The following DAB2IP variants were observed in gnomAD, a reference collection of about 807,000 sequenced individuals.
DAB2IP encodes disabled homolog 2-interacting protein.
A neutral mutation model predicts 107.2 loss-of-function variants in DAB2IP; 28 were observed. The observed-to-expected ratio is 0.26, with a 90% CI of 0.19 to 0.36. The LOEUF is 0.36. Ranked by LOEUF, DAB2IP falls within the 10% of genes least tolerant of loss-of-function variation. The pLI, the probability that DAB2IP is intolerant of heterozygous loss-of-function variation, is 1.00. For synonymous variants in DAB2IP, 755 were observed against 706.4 expected, an observed-to-expected ratio of 1.07 and a Z score of -1.09; for missense variants, 1,400 against 1,644.7, an observed-to-expected ratio of 0.85 and a Z score of 2.57.
chr9:121,602,548 C>A (rs1830718747), intron 1 of DAB2IP, among the ~76,000 whole-genome samples: 2 of 149,682 alleles, frequency 1.3e-5, no homozygotes, highest in South Asian at 4.3e-4. Context: ...CACATGCCAC[C>A]ATGCTCAGCC....
chr9:121,689,536 T>C (rs1358005505), intron 2 of DAB2IP, among the ~76,000 whole-genome samples: 2 of 134,024 alleles, frequency 1.5e-5, no homozygotes, highest in African/African-American at 5.6e-5. Context: ...TGTTTACTGG[T>C]CCTCAGTCCT....
chr9:121,598,407 C>T (rs1389846130), intron 1 of DAB2IP: 1 of 152,432 alleles, frequency 6.6e-6, no homozygotes, highest in South Asian at 2.1e-4. Flanking sequence ...CACCCCTCAC[C>T]CCGGGCCTGG....
Position 121,760,196 on chromosome 9 carries a change from G to A in DAB2IP, c.927G>A (p.Lys309=), listed in dbSNP as rs142280608. ...TGGCCGGGCGGCAGTTCGTGGAGAA[G>A]TGGTACCCGGTGGTGACGCCCAACC... The change falls in exon 6 of 16, where the codon AAG becomes AAA. Residue 309 remains lysine (K), a synonymous_variant. Coordinates refer to ENST00000408936, the Ensembl canonical transcript of DAB2IP. This position sits in a 1 kb window ranked among gnomAD's most constrained non-coding sequence, Gnocchi z 5.9. 3 of 1,613,718 alleles carry A rather than the reference G, an allele frequency of 1.9e-6. No individual in the cohort carries two copies. Among genetic ancestry groups the A allele is most frequent in the Admixed American group, 1.7e-5 (1 of 60,022 alleles).
At chr9:121,624,045 C>T (rs1338548707) in intron 1 of DAB2IP, among the ~76,000 whole-genome samples, 1 of 152,284 alleles carries the variant, frequency 6.6e-6, no homozygotes, top group Non-Finnish European at 1.5e-5. Flanking sequence ...CTGTCTGGAC[C>T]GCAGTTCCCA....
intron 1 of DAB2IP, among the ~76,000 whole-genome samples, chr9:121,632,668 C>T (rs78033879): frequency 0.072 from 10,976 of 152,238 alleles, 481 homozygotes; most frequent in Non-Finnish European, 0.099. Context: ...CCGTCTAACC[C>T]CGTTCTTTTC....
At chr9:121,743,031 C>T (rs925820999) in intron 3 of DAB2IP, 59 of 974,454 alleles carry the variant, frequency 6.1e-5, no homozygotes, top group Non-Finnish European at 7.0e-5. Flanking sequence ...GTCAGGGCCT[C>T]GTGGAGGGAG....
At chr9:121,618,880 G>A (rs1446791915) in intron 1 of DAB2IP, among the ~76,000 whole-genome samples, 10 of 152,090 alleles carry the variant, frequency 6.6e-5, no homozygotes, top group Non-Finnish European at 1.2e-4. Flanking sequence ...CTGTGTGTAC[G>A]GCATCCCTAA....
At chr9:121,630,161 G>A (rs1470249008) in intron 1 of DAB2IP, among the ~76,000 whole-genome samples, 1 of 152,122 alleles carries the variant, frequency 6.6e-6, no homozygotes, top group Non-Finnish European at 1.5e-5. Context: ...GTTGTCATGG[G>A]TATCCTAAAA....
intron 1 of DAB2IP, among the ~76,000 whole-genome samples, chr9:121,570,713 A>C (rs1270674486): frequency 6.6e-6 from 1 of 151,330 alleles, no homozygotes; most frequent in Non-Finnish European, 1.5e-5. Context: ...ATGCCTGGCT[A>C]ATTTTTGTAT....
chr9:121,638,869 G>T (rs962880329), intron 1 of DAB2IP, among the ~76,000 whole-genome samples: 1 of 152,204 alleles, frequency 6.6e-6, no homozygotes, highest in African/African-American at 2.4e-5. Flanking sequence ...CACAGAGCAG[G>T]CTCCAAGTCT....
At chr9:121,711,720 T>G (rs1216027564) in intron 3 of DAB2IP, among the ~76,000 whole-genome samples, 1 of 152,150 alleles carries the variant, frequency 6.6e-6, no homozygotes, top group Non-Finnish European at 1.5e-5. Context: ...AAAAAAGTCA[T>G]CCTAGGTCCT....
intron 3 of DAB2IP, among the ~76,000 whole-genome samples, chr9:121,722,317 T>C (rs1830983774): frequency 6.6e-6 from 1 of 152,120 alleles, no homozygotes; most frequent in Admixed American, 6.5e-5. Context: ...CTCTTCCTGT[T>C]CCTCCCCTGC....
Position 121,782,543 on chromosome 9 carries a change from G to C in DAB2IP, c.*45G>C. 5 of 1,599,378 alleles carry C rather than the reference G, an allele frequency of 3.1e-6. No homozygotes were observed. Among genetic ancestry groups the C allele is most frequent in the Non-Finnish European group, 4.3e-6 (5 of 1,169,736 alleles). ...AGCTACCCAAGGAGAGGGGGACTAT[G>C]GTGGCCAAGGGCAGGGTCTCGGCCT... On this transcript the variant is annotated 3_prime_UTR_variant, in exon 16 of 16. Transcript: ENST00000408936. The surrounding 1 kb of genome is among the most constrained non-coding windows in gnomAD (Gnocchi z 6.1).
At position 121,634,320 on chromosome 9, in the gene DAB2IP, G is replaced by A. The variant is rs1336614305; in HGVS notation, c.41-44358G>A. Among the ~76,000 whole-genome samples, 1 of 152,188 alleles carries A rather than the reference G, an allele frequency of 6.6e-6. No homozygotes were observed. Among genetic ancestry groups the A allele is most frequent in the Non-Finnish European group, 1.5e-5 (1 of 68,030 alleles). Reference sequence around the variant, plus strand: ...GATGGAGGAGGCAGAGGCCCCGGCCGGCCACACTTGACCCCGCCTTTACTC... The same window carrying A: ...GATGGAGGAGGCAGAGGCCCCGGCCAGCCACACTTGACCCCGCCTTTACTC... On this transcript the variant is annotated intron_variant, in intron 1 of 16. Coordinates refer to the DAB2IP transcript ENST00000259371. The surrounding 1 kb of genome is among the most constrained non-coding windows in gnomAD (Gnocchi z 4.7).
intron 3 of DAB2IP, among the ~76,000 whole-genome samples, chr9:121,738,960 A>C (rs1832124387): frequency 6.6e-6 from 1 of 152,244 alleles, no homozygotes; most frequent in Non-Finnish European, 1.5e-5. Flanking sequence ...TTTGGGAAAC[A>C]TAGTGAAGTT....
At chr9:121,761,236 C>T (rs1833867135) in intron 6 of DAB2IP, among the ~76,000 whole-genome samples, 1 of 152,234 alleles carries the variant, frequency 6.6e-6, no homozygotes, top group Non-Finnish European at 1.5e-5. Context: ...GACCTTCTCT[C>T]TTTACATTTG....
chr9:121,693,013 A>T (rs1829238699), intron 2 of DAB2IP, among the ~76,000 whole-genome samples: 1 of 152,222 alleles, frequency 6.6e-6, no homozygotes, highest in South Asian at 2.1e-4. Context: ...ATCATCAAAT[A>T]TCAGCGCTGG....
intron 10 of DAB2IP, 68 bp downstream of exon 10, chr9:121,768,701 A>C (rs563286510): frequency 1.0e-5 from 16 of 1,588,554 alleles, no homozygotes; most frequent in South Asian, 3.3e-5. Context: ...TCCCCCTTCC[A>C]GAGTAACCAT....
At chr9:121,648,831 A>G (rs1024391898), upstream of DAB2IP, among the ~76,000 whole-genome samples, 22 of 152,100 alleles carry the variant, frequency 1.4e-4, no homozygotes. Flanking sequence ...GCAGGGCTGG[A>G]AAGTCCGATC....
Sources: gnomAD v4.1 joint callset for allele counts (sites outside exome capture counted in the v4.1 genomes callset) on GRCh38, gnomAD v4.1.1 for gene constraint, Gnocchi (gnomAD v3.1) non-coding constraint, MANE v1.5 for transcripts, NCBI Gene and HGNC (gene_info 2026-07-23, HGNC 2026-07-21) for gene names.